The following CC2D2A variants were observed in gnomAD, a reference collection of about 807,000 sequenced individuals.
CC2D2A encodes coiled-coil and C2 domain-containing protein 2A.
CC2D2A carries 155 observed loss-of-function variants against 212.9 expected under a neutral mutation model. The observed-to-expected ratio is 0.73, with a 90% CI of 0.64 to 0.83. The LOEUF (loss-of-function observed/expected upper bound fraction) is 0.83, where lower values mean the gene tolerates loss of function less well. CC2D2A is among the 40% of genes least tolerant of loss of function. The pLI is 0.00. For missense variants in CC2D2A, 1,856 were observed against 1,956.2 expected (o/e 0.95, Z 0.97); for synonymous variants, 667 against 686.5 (o/e 0.97, Z 0.44).
chr4:15,503,739 C>T (rs781383317), intron 6 of CC2D2A, among the ~76,000 whole-genome samples: 2 of 152,154 alleles, frequency 1.3e-5, no homozygotes, highest in African/African-American at 2.4e-5. Flanking sequence ...GAGTGAATTT[C>T]GTTCGTATTT....
intron 4 of CC2D2A, among the ~76,000 whole-genome samples, chr4:15,502,005 C>T (rs928521687): frequency 2.6e-5 from 4 of 152,106 alleles, no homozygotes; most frequent in African/African-American, 7.2e-5. Flanking sequence ...AAGTTAAACC[C>T]GGAAACCCCA....
chr4:15,537,831 T>G, intron 15 of CC2D2A, 68 bp from the exon 16 acceptor site: 5 of 1,497,824 alleles, frequency 3.3e-6, no homozygotes, highest in South Asian at 1.3e-5. Flanking sequence ...CATCTGGCTA[T>G]GAAGACTGTG....
intron 30 of CC2D2A, among the ~76,000 whole-genome samples, chr4:15,585,143 G>T (rs368790700): frequency 1.2e-4 from 19 of 152,124 alleles, no homozygotes; most frequent in African/African-American, 4.6e-4. Flanking sequence ...CCATTACTAG[G>T]TATATATCCA....
Position 15,547,757 on chromosome 4 carries a change from T to C in CC2D2A, c.2182-3067T>C, listed in dbSNP as rs79482961. On this transcript the variant is annotated intron_variant, in intron 17 of 36. Coordinates refer to ENST00000424120, the MANE Select transcript of CC2D2A (RefSeq NM_001378615.1). ...TCTTCCTAGCATTTAAAAGAACTTC[T>C]GGGCCAGGTACGGTGGCTCACCCTG... 3.3e-4 allele frequency among the ~76,000 whole-genome samples: 51 copies of C among 152,350 alleles called. No homozygotes were observed. The East Asian group carries it at 9.1e-3, about 27-fold the overall frequency.
At position 15,550,030 on chromosome 4, in the gene CC2D2A, A is replaced by C. The variant is rs552060877; in HGVS notation, c.2182-794A>C. On this transcript the variant is annotated intron_variant, in intron 17 of 36. Coordinates refer to ENST00000424120, the MANE Select transcript of CC2D2A (RefSeq NM_001378615.1). ...AGACCTCATGTACAGAAAGAATAAA[A>C]CACAGGAAAGAAGCCAGGAGAACTG... Among the ~76,000 whole-genome samples the C allele has an allele frequency of 2.6e-5, 4 of 152,368 alleles. No individual in the cohort carries two copies. In the East Asian group the frequency reaches 7.7e-4, roughly 29 times the overall value.
In CC2D2A at chr4:15,555,114, A is replaced by C. The variant is rs1249957476; in HGVS notation, c.2529A>C (p.Ser843=). 6.2e-7 allele frequency: 1 copy of C among 1,613,744 alleles called. No individual in the cohort carries two copies. Among genetic ancestry groups the C allele is most frequent in the Admixed American group, 1.7e-5 (1 of 59,990 alleles). The change falls in exon 20 of 37, where the codon TCA becomes TCC. Residue 843 remains serine, a synonymous_variant. Coordinates refer to ENST00000424120, the MANE Select transcript of CC2D2A (RefSeq NM_001378615.1). ...ATGCCATCTCATCTATTGGCACATC[A>C]GGACTGACAGACATGAAAAAATTGG... ...KADAISSIGT[S]GLTDMKKLAK... is the part of the protein sequence containing the mutation.
At chr4:15,524,644 G>C (rs952300090) in intron 11 of CC2D2A, among the ~76,000 whole-genome samples, 1 of 150,682 alleles carries the variant, frequency 6.6e-6, no homozygotes, top group East Asian at 2.0e-4. Flanking sequence ...GTAGAGACGG[G>C]GTTTCACCGT....
In CC2D2A at chr4:15,502,857, C is replaced by T; in HGVS notation, c.372C>T (p.Pro124=). ...KAESALLQEI[P]TPRPRRLRSP... ...AAAGTGCATTGCTGCAGGAAATCCCCACTCCTCGGCCCAGACGCTTACGAA... is the reference window on the plus strand; with the variant it reads ...AAAGTGCATTGCTGCAGGAAATCCCTACTCCTCGGCCCAGACGCTTACGAA... The change falls in exon 6 of 37, where the codon CCC becomes CCT. Residue 124 remains proline (P), a synonymous_variant. Transcript: ENST00000424120. 1 of 1,611,776 alleles carries T rather than the reference C, an allele frequency of 6.2e-7. No individual in the cohort carries two copies. Among genetic ancestry groups the T allele is most frequent in the Non-Finnish European group, 8.5e-7 (1 of 1,179,084 alleles).
At chr4:15,574,943 A>G (rs1720335221) in intron 29 of CC2D2A, among the ~76,000 whole-genome samples, 1 of 152,248 alleles carries the variant, frequency 6.6e-6, no homozygotes, top group Non-Finnish European at 1.5e-5. Flanking sequence ...CTGGAACGCT[A>G]CGCATGTGGG....
At chr4:15,566,743 A>T (rs1209176171) in intron 24 of CC2D2A, among the ~76,000 whole-genome samples, 1 of 152,078 alleles carries the variant, frequency 6.6e-6, no homozygotes, top group Non-Finnish European at 1.5e-5. Context: ...AACCCAAGAC[A>T]GGAGGATCAC....
intron 17 of CC2D2A, among the ~76,000 whole-genome samples, chr4:15,548,065 T>C (rs1232687828): frequency 6.7e-6 from 1 of 149,296 alleles, no homozygotes; most frequent in Non-Finnish European, 1.5e-5. Context: ...TAAAAATAAA[T>C]AAAAGAACTT....
chr4:15,544,641 C>G (rs1718618424), intron 17 of CC2D2A, among the ~76,000 whole-genome samples: 1 of 152,214 alleles, frequency 6.6e-6, no homozygotes, highest in Admixed American at 6.5e-5. Context: ...CTGTGAAACA[C>G]ACTCCCACTA....
At chr4:15,553,976 G>T (rs1219326770) in intron 19 of CC2D2A, among the ~76,000 whole-genome samples, 1 of 152,190 alleles carries the variant, frequency 6.6e-6, no homozygotes, top group Admixed American at 6.5e-5. Flanking sequence ...TCATGAAGAA[G>T]ACACTTTCCA....
rs532627270 is a variant in CC2D2A, at chr4:15,558,586, T to G, written c.2830-579T>G. 2.6e-5 allele frequency among the ~76,000 whole-genome samples: 4 copies of G among 152,102 alleles called. No individual in the cohort carries two copies. The East Asian group carries it at 7.8e-4, about 30-fold the overall frequency. ...ATCATACAAGTTCACATCTAGTATC[T>G]TCAGCCAGCAGAGGTGTGTCCCCCG... is the stretch of plus-strand genomic sequence containing the variant. On this transcript the variant is annotated intron_variant, in intron 21 of 36. Coordinates refer to ENST00000424120, the MANE Select transcript of CC2D2A (RefSeq NM_001378615.1).
At chr4:15,584,018 T>G (rs1442971055) in intron 30 of CC2D2A, among the ~76,000 whole-genome samples, 1 of 146,240 alleles carries the variant, frequency 6.8e-6, no homozygotes, top group African/African-American at 2.5e-5. Context: ...AAGGCACAAA[T>G]AAATGGAAAG....
At chr4:15,580,953 C>T (rs1720634986) in intron 30 of CC2D2A, among the ~76,000 whole-genome samples, 1 of 152,054 alleles carries the variant, frequency 6.6e-6, no homozygotes, top group Admixed American at 6.6e-5. Flanking sequence ...AAAGTACTTC[C>T]ACACTGGGCC....
chr4:15,480,336 C>A (rs1482749870), intron 3 of CC2D2A, among the ~76,000 whole-genome samples: 1 of 152,052 alleles, frequency 6.6e-6, no homozygotes, highest in African/African-American at 2.4e-5. Context: ...AAATATTTGC[C>A]CCTGAATTAC....
chr4:15,576,048 T>C (rs766317749), intron 29 of CC2D2A, among the ~76,000 whole-genome samples: 7 of 152,222 alleles, frequency 4.6e-5, no homozygotes, highest in Non-Finnish European at 1.0e-4. Flanking sequence ...CCTCAAGTCC[T>C]GCAGCCTTCC....
intron 4 of CC2D2A, among the ~76,000 whole-genome samples, chr4:15,491,083 A>G (rs1715281105): frequency 6.6e-6 from 1 of 152,136 alleles, no homozygotes; most frequent in Non-Finnish European, 1.5e-5. Context: ...CTTGGTGTCT[A>G]AGGGGTTTTG....
Sources: allele counts gnomAD v4.1 joint callset (sites outside exome capture counted in the v4.1 genomes callset), GRCh38; gene constraint gnomAD v4.1.1; transcripts MANE v1.5; gene names NCBI Gene and HGNC (gene_info 2026-07-23, HGNC 2026-07-21).